The following DCC variants were observed in gnomAD, a reference collection of about 807,000 sequenced individuals.
The protein encoded by DCC is netrin receptor DCC.
A neutral mutation model predicts 172.5 loss-of-function variants in DCC; 58 were observed. The ratio of observed to expected loss-of-function variants is 0.34; its 90% CI spans 0.27 to 0.42. The LOEUF (loss-of-function observed/expected upper bound fraction) is 0.42. Among genes scored for constraint, DCC ranks in the 10% least tolerant of loss-of-function variants. DCC has a pLI of 1.00. For missense variants in DCC, 1,740 were observed against 1,791.0 expected (o/e 0.97, Z 0.51); for synonymous variants, 709 against 644.5 (o/e 1.10, Z -1.52).
At chr18:52,374,679 CAAT>C (rs1985271485) in intron 1 of DCC, among the ~76,000 whole-genome samples, 1 of 152,012 alleles carries the variant, frequency 6.6e-6, no homozygotes, top group Admixed American at 6.6e-5. Flanking sequence ...AGAAAATGTA[CAAT>C]AACATAATAT....
At chr18:52,521,449 G>T (rs2031812312) in intron 1 of DCC, among the ~76,000 whole-genome samples, 1 of 152,120 alleles carries the variant, frequency 6.6e-6, no homozygotes. Context: ...TCAAGGTCTG[G>T]TAGGGTTCAG....
intron 2 of DCC, among the ~76,000 whole-genome samples, chr18:52,822,567 G>C (rs867060916): frequency 6.6e-6 from 1 of 152,090 alleles, no homozygotes; most frequent in African/African-American, 2.4e-5. Context: ...CCAATTCTGC[G>C]TTTTCCCCCT....
intron 12 of DCC, among the ~76,000 whole-genome samples, chr18:53,297,792 T>C (rs1441208217): frequency 1.3e-5 from 2 of 152,128 alleles, no homozygotes. Context: ...ACAATATAAT[T>C]TGGAGCCTCC....
chr18:53,369,762 A>G lies in DCC; in HGVS notation c.2360-16281A>G, dbSNP rs2058041693. Among the ~76,000 whole-genome samples the G allele has an allele frequency of 3.3e-5, 5 of 151,734 alleles. No homozygotes were observed. The South Asian group carries it at 1.0e-3, about 31-fold the overall frequency. On this transcript the variant is annotated intron_variant, in intron 15 of 28. Transcript: ENST00000442544. Reference sequence around the variant, plus strand: ...TTTCTTCACTTTATTAGTCTGGTGGATTACATTGATTAATTTTTGTACGTC... The same window carrying G: ...TTTCTTCACTTTATTAGTCTGGTGGGTTACATTGATTAATTTTTGTACGTC...
chr18:53,326,312 A>C (rs2057467390), intron 14 of DCC, among the ~76,000 whole-genome samples: 1 of 152,218 alleles, frequency 6.6e-6, no homozygotes, highest in African/African-American at 2.4e-5. Flanking sequence ...GAAAACTGAA[A>C]GCCATTTCAG....
intron 12 of DCC, among the ~76,000 whole-genome samples, chr18:53,249,006 T>C (rs1431352515): frequency 6.6e-6 from 1 of 152,054 alleles, no homozygotes; most frequent in Non-Finnish European, 1.5e-5. Context: ...ATGACTGCTC[T>C]GGTTCTGTTT....
intron 5 of DCC, among the ~76,000 whole-genome samples, chr18:52,953,015 A>C (rs1046665522): frequency 1.3e-5 from 2 of 150,634 alleles, no homozygotes; most frequent in Admixed American, 6.6e-5. Flanking sequence ...AAAAAAAAAA[A>C]AAAAAAAAAA....
intron 11 of DCC, 59 bp from the exon 12 acceptor site, chr18:53,215,489 T>C (rs1334484658): frequency 7.9e-7 from 1 of 1,260,932 alleles, no homozygotes; most frequent in African/African-American, 1.5e-5. Flanking sequence ...ACTAGACAGG[T>C]GGTATTTTTC....
chr18:52,655,144 G>A (rs966553985), intron 1 of DCC, among the ~76,000 whole-genome samples: 1 of 151,934 alleles, frequency 6.6e-6, no homozygotes, highest in African/African-American at 2.4e-5. Flanking sequence ...TTTTAAGAGA[G>A]AAGAGGGGAA....
At chr18:52,705,448 C>T (rs772118165) in intron 1 of DCC, among the ~76,000 whole-genome samples, 1 of 152,188 alleles carries the variant, frequency 6.6e-6, no homozygotes, top group Non-Finnish European at 1.5e-5. Flanking sequence ...TGTGCAAAAC[C>T]TCTGGCTATT....
chr18:53,032,083 G>C (rs903325536), intron 5 of DCC, among the ~76,000 whole-genome samples: 2 of 152,036 alleles, frequency 1.3e-5, no homozygotes, highest in Non-Finnish European at 2.9e-5. Context: ...CCTGTTGTTT[G>C]GGTACAGAAG....
chr18:53,142,953 TG>T (rs1184024484), intron 7 of DCC, among the ~76,000 whole-genome samples: 1 of 139,864 alleles, frequency 7.1e-6, no homozygotes, highest in Non-Finnish European at 1.6e-5. Flanking sequence ...TATCTCAATC[TG>T]GGTATATCCA....
At chr18:52,394,033 A>G (rs1986126769) in intron 1 of DCC, among the ~76,000 whole-genome samples, 1 of 152,080 alleles carries the variant, frequency 6.6e-6, no homozygotes, top group Admixed American at 6.5e-5. Flanking sequence ...AATTCACGAT[A>G]GGCTGGTAAA....
At chr18:52,582,234 T>C (rs1166672149) in intron 1 of DCC, among the ~76,000 whole-genome samples, 1 of 152,222 alleles carries the variant, frequency 6.6e-6, no homozygotes, top group East Asian at 1.9e-4. Flanking sequence ...GGTAGCTAAT[T>C]AATGAAGGAC....
At chr18:52,445,125 A>G (rs1055359627) in intron 1 of DCC, among the ~76,000 whole-genome samples, 1 of 152,154 alleles carries the variant, frequency 6.6e-6, no homozygotes, top group Non-Finnish European at 1.5e-5. Flanking sequence ...ATAAAAGGAG[A>G]GGGAAGAAAA....
At chr18:52,947,907 A>G (rs545472331) in intron 5 of DCC, among the ~76,000 whole-genome samples, 10 of 152,282 alleles carry the variant, frequency 6.6e-5, no homozygotes, top group Admixed American at 2.6e-4. Context: ...GATAGCTGGG[A>G]CATATTTAAG....
chr18:53,439,077 T>C (rs1268232636), intron 22 of DCC, among the ~76,000 whole-genome samples: 1 of 152,250 alleles, frequency 6.6e-6, no homozygotes, highest in African/African-American at 2.4e-5. Context: ...TCAGGCTGTC[T>C]GGCTGATTAA....
intron 5 of DCC, among the ~76,000 whole-genome samples, chr18:52,954,923 C>T (rs1167987838): frequency 1.3e-5 from 2 of 152,122 alleles, no homozygotes; most frequent in African/African-American, 2.4e-5. Flanking sequence ...TTTAGGTTCA[C>T]AGCACAGTTG....
At chr18:53,298,515 G>C (rs11082975) in intron 12 of DCC, among the ~76,000 whole-genome samples, 40,980 of 115,152 alleles carry the variant, frequency 0.36, 8,031 homozygotes, top group Non-Finnish European at 0.46. Context: ...ATGACACAGA[G>C]AGACCCTGAC....
Sources: gnomAD v4.1 joint callset for allele counts (sites outside exome capture counted in the v4.1 genomes callset) on GRCh38, gnomAD v4.1.1 for gene constraint, MANE v1.5 for transcripts, NCBI Gene and HGNC (gene_info 2026-07-23, HGNC 2026-07-21) for gene names.